The following GRM1 variants were observed in gnomAD, a reference collection of about 807,000 sequenced individuals.
GRM1 encodes metabotropic glutamate receptor 1.
A neutral mutation model predicts 90.9 loss-of-function variants in GRM1; 33 were observed. The ratio of observed to expected loss-of-function variants is 0.36; its 90% CI spans 0.28 to 0.49. GRM1 has a LOEUF of 0.49. Ranked by LOEUF, GRM1 falls within the 20% of genes least tolerant of loss-of-function variation. The pLI, the probability that GRM1 is intolerant of heterozygous loss-of-function variation, is 0.99. For missense variants in GRM1, 1,190 were observed against 1,534.3 expected (o/e 0.78, Z 3.75); for synonymous variants, 700 against 613.2 (o/e 1.14, Z -2.09).
chr6:146,255,736 G>T (rs6570746), intron 2 of GRM1, among the ~76,000 whole-genome samples: 14,423 of 151,928 alleles, frequency 0.095, 1,813 homozygotes, highest in African/African-American at 0.28. Flanking sequence ...ATCTGAACAC[G>T]ATTGCTCAAC....
At chr6:146,296,520 C>T (rs1783183476) in intron 2 of GRM1, among the ~76,000 whole-genome samples, 1 of 152,136 alleles carries the variant, frequency 6.6e-6, no homozygotes, top group African/African-American at 2.4e-5. Context: ...AGAACTTATT[C>T]TCCCTGTTGA....
At chr6:146,412,710 C>A (rs1168269117) in intron 7 of GRM1, among the ~76,000 whole-genome samples, 1 of 152,096 alleles carries the variant, frequency 6.6e-6, no homozygotes, top group African/African-American at 2.4e-5. Flanking sequence ...CAGGAAGAAT[C>A]CTAACTCCCA....
At chr6:146,420,416 C>T (rs1188576095) in intron 7 of GRM1, among the ~76,000 whole-genome samples, 6 of 152,210 alleles carry the variant, frequency 3.9e-5, no homozygotes, top group African/African-American at 7.2e-5. Context: ...TTGAAAGTCC[C>T]GAAGGGATAT....
At position 146,265,023 on chromosome 6, in the gene GRM1, A is replaced by G. The variant is rs554966980; in HGVS notation, c.951-39588A>G. Among the ~76,000 whole-genome samples, 10 of 152,142 alleles carry G rather than the reference A, an allele frequency of 6.6e-5. 1 individual carries two copies. The South Asian group carries it at 2.1e-3, about 32-fold the overall frequency. ...CAATTGCAGGTATCCTTTTTATATG[A>G]TTTATTTTCCTTTGGGTAAATACCC... On this transcript the variant is annotated intron_variant, in intron 2 of 7. Coordinates refer to ENST00000282753, the MANE Select transcript of GRM1 (RefSeq NM_001278064.2).
chr6:146,109,102 A>G (rs1278755367), intron 1 of GRM1, among the ~76,000 whole-genome samples: 1 of 152,246 alleles, frequency 6.6e-6, no homozygotes, highest in Non-Finnish European at 1.5e-5. Flanking sequence ...TTTTCTGAGG[A>G]GAAATTCAAG....
intron 1 of GRM1, among the ~76,000 whole-genome samples, chr6:146,110,733 C>T (rs1331639): frequency 0.41 from 61,622 of 151,880 alleles, 12,797 homozygotes; most frequent in Middle Eastern, 0.54. Flanking sequence ...TTTTGTATTT[C>T]CTCATAGGCT....
intron 2 of GRM1, among the ~76,000 whole-genome samples, chr6:146,199,590 A>G (rs1357976485): frequency 1.3e-5 from 2 of 152,108 alleles, no homozygotes; most frequent in Non-Finnish European, 2.9e-5. Flanking sequence ...CTGTATTCCT[A>G]GCAGAGTTAT....
At chr6:146,336,804 G>A (rs574063375) in intron 3 of GRM1, among the ~76,000 whole-genome samples, 1 of 152,116 alleles carries the variant, frequency 6.6e-6, no homozygotes. Context: ...GTATATTTTT[G>A]TGCCTGAGTC....
intron 7 of GRM1, among the ~76,000 whole-genome samples, chr6:146,425,716 T>C (rs1778178568): frequency 6.6e-6 from 1 of 152,214 alleles, no homozygotes; most frequent in Admixed American, 6.5e-5. Flanking sequence ...AAGCATCTTG[T>C]ACCTGAAATT....
At chr6:146,184,208 G>T (rs1489436650) in intron 2 of GRM1, among the ~76,000 whole-genome samples, 1 of 152,150 alleles carries the variant, frequency 6.6e-6, no homozygotes, top group African/African-American at 2.4e-5. Context: ...GTTTGAAAAA[G>T]ACAGAGGGGG....
chr6:146,284,067 G>A (rs1782676385), intron 2 of GRM1, among the ~76,000 whole-genome samples: 1 of 152,128 alleles, frequency 6.6e-6, no homozygotes, highest in South Asian at 2.1e-4. Context: ...GCCTCTATCT[G>A]TGGAATACAG....
intron 1 of GRM1, among the ~76,000 whole-genome samples, chr6:146,141,944 G>A (rs1321867000): frequency 1.3e-5 from 2 of 152,166 alleles, no homozygotes; most frequent in Non-Finnish European, 2.9e-5. Flanking sequence ...CTTAACGCTT[G>A]TGGAATTTTG....
intron 7 of GRM1, among the ~76,000 whole-genome samples, chr6:146,426,158 T>A (rs1051060290): frequency 2.0e-5 from 3 of 151,708 alleles, no homozygotes; most frequent in Non-Finnish European, 4.4e-5. Context: ...CAATTAAAAG[T>A]CACAGTGTCA....
chr6:146,205,187 A>G (rs139196255), intron 2 of GRM1, among the ~76,000 whole-genome samples: 36 of 152,304 alleles, frequency 2.4e-4, no homozygotes, highest in African/African-American at 5.5e-4. Flanking sequence ...ATACTCAAAG[A>G]TTTTGTTAGA....
At chr6:146,127,932 A>G (rs1391417459) in intron 1 of GRM1, among the ~76,000 whole-genome samples, 1 of 152,128 alleles carries the variant, frequency 6.6e-6, no homozygotes, top group Non-Finnish European at 1.5e-5. Context: ...GGTGGCTCAA[A>G]GGCTGGGGGA....
intron 2 of GRM1, among the ~76,000 whole-genome samples, chr6:146,200,492 G>A (rs1032354343): frequency 6.6e-6 from 1 of 152,050 alleles, no homozygotes; most frequent in African/African-American, 2.4e-5. Flanking sequence ...TTAGTCATTG[G>A]GTCACTGCCT....
At position 146,314,051 on chromosome 6, in the gene GRM1, C is replaced by CTTTTTTTTTTTT. The variant is rs552986343; in HGVS notation, c.1186+9226_1186+9237dup. On this transcript the variant is annotated intron_variant, in intron 3 of 7. Transcript: ENST00000282753. ...CACTGTATATATCAATAGTTAATTC[C>CTTTTTTTTTTTT]TTTTTTTTTTTTTTTTTTTTTTTTT... Among the ~76,000 whole-genome samples, 21 of 62,004 alleles carry CTTTTTTTTTTTT rather than the reference C, an allele frequency of 3.4e-4. 3 individuals carry two copies. The highest frequency in any genetic ancestry group is 5.2e-4 in the Non-Finnish European group (20 of 38,226). 40.7% of individuals were successfully genotyped at this position (62,004 alleles called of 152,430 possible).
intron 2 of GRM1, among the ~76,000 whole-genome samples, chr6:146,166,530 C>T (rs1228824637): frequency 2.0e-5 from 3 of 152,024 alleles, no homozygotes; most frequent in East Asian, 1.9e-4. Flanking sequence ...AAATAGTAGT[C>T]GGAGTAGTAA....
intron 2 of GRM1, among the ~76,000 whole-genome samples, chr6:146,191,334 A>C (rs533601366): frequency 7.9e-5 from 12 of 152,266 alleles, no homozygotes; most frequent in South Asian, 2.1e-4. Context: ...TGCTTCCTGC[A>C]CATTTGGCAT....
Sources: gnomAD v4.1 joint callset for allele counts (sites outside exome capture counted in the v4.1 genomes callset) on GRCh38, gnomAD v4.1.1 for gene constraint, MANE v1.5 for transcripts, NCBI Gene and HGNC (gene_info 2026-07-23, HGNC 2026-07-21) for gene names.